SMARCC1: variants seen among roughly 807,000 people sequenced by gnomAD.
The protein encoded by SMARCC1 is SWI/SNF related BAF chromatin remodeling complex subunit C1.
Under a neutral mutation model 147.4 loss-of-function variants are expected in SMARCC1, and 43 were observed. That is an observed-to-expected ratio of 0.29 (90% CI 0.23 to 0.38). The LOEUF is 0.38. Ranked by LOEUF, SMARCC1 falls within the 10% of genes least tolerant of loss-of-function variation. SMARCC1 has a pLI of 1.00. For synonymous variants in SMARCC1, 495 were observed against 484.4 expected, an observed-to-expected ratio of 1.02 and a Z score of -0.29; for missense variants, 1,119 against 1,381.1, an observed-to-expected ratio of 0.81 and a Z score of 3.01.
chr3:47,708,006 T>C (rs1373071528), intron 9 of SMARCC1, among the ~76,000 whole-genome samples: 2 of 150,958 alleles, frequency 1.3e-5, no homozygotes, highest in African/African-American at 4.9e-5. Flanking sequence ...CTTATGAGTA[T>C]GTAATAGCAG....
rs759202739 is a variant in SMARCC1 at position 47,662,554 on chromosome 3, C to T, written c.1938G>A (p.Ser646=). The T allele has an allele frequency of 4.3e-6, 7 of 1,613,770 alleles. No individual in the cohort carries two copies. The highest frequency in any genetic ancestry group is 2.2e-5 in the East Asian group (1 of 44,886). Residue 646 remains serine (S), a synonymous_variant, in exon 20 of 28, where the codon TCG becomes TCA. Transcript: ENST00000254480. ...CCTGAGTACGACTTCCAACATGTTC[C>T]GACACTTTGTTCCAATCATCCTTGT... ...EMYKDDWNKV[S]EHVGSRTQDE...
intron 19 of SMARCC1, among the ~76,000 whole-genome samples, chr3:47,663,211 G>GAA (rs1576403378): frequency 7.9e-5 from 6 of 75,646 alleles, no homozygotes; most frequent in Admixed American, 5.2e-4. Flanking sequence ...GGAGGGGAGG[G>GAA]GAGGAAGGAA....
intron 1 of SMARCC1, among the ~76,000 whole-genome samples, chr3:47,775,687 G>A (rs545147203): frequency 7.4e-4 from 112 of 151,770 alleles, no homozygotes; most frequent in Non-Finnish European, 6.0e-4. Context: ...GAGGAGAATC[G>A]CTTGAACCCA....
At chr3:47,639,479 C>T (rs567756365) in intron 21 of SMARCC1, among the ~76,000 whole-genome samples, 44 of 152,092 alleles carry the variant, frequency 2.9e-4, no homozygotes, top group Non-Finnish European at 5.4e-4. Flanking sequence ...TTTGGGAGGC[C>T]GAGGCGGCTG....
intron 26 of SMARCC1, chr3:47,601,566 G>A (rs1226919103): frequency 6.6e-6 from 1 of 152,064 alleles, no homozygotes; most frequent in East Asian, 1.9e-4. Flanking sequence ...GGCCCTCACT[G>A]TTCTCTTTGT....
At chr3:47,774,347 G>A (rs953283332) in intron 1 of SMARCC1, among the ~76,000 whole-genome samples, 2 of 151,360 alleles carry the variant, frequency 1.3e-5, no homozygotes. Context: ...GTGTGGTGGC[G>A]CACACCTGTC....
At chr3:47,624,404 G>A (rs1350514066) in intron 24 of SMARCC1, among the ~76,000 whole-genome samples, 1 of 152,102 alleles carries the variant, frequency 6.6e-6, no homozygotes, top group Non-Finnish European at 1.5e-5. Context: ...AATCCTACAA[G>A]CTTTCAGAAA....
At chr3:47,745,068 G>C (rs1322330661) in intron 3 of SMARCC1, among the ~76,000 whole-genome samples, 1 of 152,084 alleles carries the variant, frequency 6.6e-6, no homozygotes, top group Non-Finnish European at 1.5e-5. Flanking sequence ...AGGAGTTCGA[G>C]ACCAGCCTGG....
At chr3:47,633,393 T>G (rs1477265762) in intron 24 of SMARCC1, among the ~76,000 whole-genome samples, 1 of 152,052 alleles carries the variant, frequency 6.6e-6, no homozygotes, top group Non-Finnish European at 1.5e-5. Flanking sequence ...GGTTGCAGGT[T>G]TGAAGACTGA....
At chr3:47,625,213 A>G (rs1274581671) in intron 24 of SMARCC1, among the ~76,000 whole-genome samples, 2 of 150,966 alleles carry the variant, frequency 1.3e-5, no homozygotes, top group Non-Finnish European at 2.9e-5. Context: ...TAATCCCAGC[A>G]CTTCAGGAAG....
chr3:47,634,396 T>C (rs568852324), intron 24 of SMARCC1, among the ~76,000 whole-genome samples: 1 of 152,278 alleles, frequency 6.6e-6, no homozygotes, highest in African/African-American at 2.4e-5. Flanking sequence ...CTTAGAGAAG[T>C]AGTTCACAGT....
At chr3:47,735,588 G>A (rs2034431948) in intron 5 of SMARCC1, among the ~76,000 whole-genome samples, 1 of 151,974 alleles carries the variant, frequency 6.6e-6, no homozygotes, top group Non-Finnish European at 1.5e-5. Context: ...TCACCAACAT[G>A]GCAAAACCCC....
intron 17 of SMARCC1, 96 bp from the exon 18 acceptor site, chr3:47,675,684 A>G: frequency 1.5e-6 from 1 of 651,946 alleles, no homozygotes; most frequent in Non-Finnish European, 2.8e-6. Flanking sequence ...GCCGTGGCTC[A>G]CACCTATAAT....
chr3:47,660,810 TAG>T (rs2106734795), intron 21 of SMARCC1, among the ~76,000 whole-genome samples: 1 of 152,304 alleles, frequency 6.6e-6, no homozygotes, highest in East Asian at 1.9e-4. Context: ...ATAGTGGTGA[TAG>T]ACACACAGCA....
At chr3:47,745,244 G>GC (rs1197050919) in intron 3 of SMARCC1, among the ~76,000 whole-genome samples, 1 of 151,928 alleles carries the variant, frequency 6.6e-6, no homozygotes. Context: ...GCGAAAAAGC[G>GC]CAACTAAGTC....
At chr3:47,597,475 C>T (rs1199114009) in intron 26 of SMARCC1, among the ~76,000 whole-genome samples, 4 of 152,200 alleles carry the variant, frequency 2.6e-5, no homozygotes, top group African/African-American at 4.8e-5. Context: ...TACAGGCACC[C>T]GCCACCACGC....
intron 19 of SMARCC1, chr3:47,663,487 T>C: frequency 1.6e-6 from 1 of 625,854 alleles, no homozygotes; most frequent in Non-Finnish European, 2.8e-6. Context: ...GGCACACATC[T>C]GTACTCCCAG....
chr3:47,705,542 A>G (rs2033982082), intron 10 of SMARCC1, among the ~76,000 whole-genome samples: 1 of 152,192 alleles, frequency 6.6e-6, no homozygotes, highest in South Asian at 2.1e-4. Context: ...GAGTGTTGTC[A>G]TAACTACCCT....
intron 13 of SMARCC1, 149 bp from the exon 14 acceptor site, chr3:47,686,319 C>T: frequency 6.4e-6 from 4 of 629,790 alleles, no homozygotes; most frequent in Non-Finnish European, 7.9e-6. Context: ...GTAAAAACAA[C>T]CTTTCACAGT....
Sources: gnomAD v4.1 joint callset for allele counts (sites outside exome capture counted in the v4.1 genomes callset) on GRCh38, gnomAD v4.1.1 for gene constraint, MANE v1.5 for transcripts, NCBI Gene and HGNC (gene_info 2026-07-23, HGNC 2026-07-21) for gene names.